Variants in DAB1 observed in about 807,000 individuals in gnomAD.
DAB1 encodes disabled homolog 1.
Under a neutral mutation model 64.6 loss-of-function variants are expected in DAB1, and 15 were observed. The ratio of observed to expected loss-of-function variants is 0.23; its 90% CI spans 0.16 to 0.36. The LOEUF is 0.36. DAB1 is among the 10% of genes least tolerant of loss of function. The pLI, the probability that DAB1 is intolerant of heterozygous loss-of-function variation, is 1.00. For synonymous variants in DAB1, 235 were observed against 251.9 expected (o/e 0.93, Z 0.64); for missense variants, 596 against 706.7 (o/e 0.84, Z 1.78).
chr1:57,437,159 T>C (rs1166925669), intron 7 of DAB1, among the ~76,000 whole-genome samples: 1 of 151,490 alleles, frequency 6.6e-6, no homozygotes, highest in Non-Finnish European at 1.5e-5. Context: ...GGGGAAAGGG[T>C]AAGACTTTCA....
intron 3 of DAB1, among the ~76,000 whole-genome samples, chr1:58,349,028 G>A (rs767007643): frequency 1.7e-4 from 26 of 151,982 alleles, no homozygotes; most frequent in African/African-American, 3.9e-4. Context: ...CCCTGCCTCC[G>A]CCTGCTGTCC....
chr1:58,222,955 G>T (rs767019871), intron 4 of DAB1, among the ~76,000 whole-genome samples: 16 of 152,166 alleles, frequency 1.1e-4, no homozygotes, highest in Non-Finnish European at 1.6e-4. Context: ...TCAGGCATCT[G>T]TTCCTTGCAG....
chr1:57,564,056 C>T (rs1645086691), intron 7 of DAB1, among the ~76,000 whole-genome samples: 1 of 152,168 alleles, frequency 6.6e-6, no homozygotes, highest in Admixed American at 6.6e-5. Flanking sequence ...CAGACTGACA[C>T]CCACATGGCT....
intron 7 of DAB1, among the ~76,000 whole-genome samples, chr1:57,594,740 T>C (rs1645485591): frequency 6.6e-6 from 1 of 152,216 alleles, no homozygotes. Flanking sequence ...AGACAGAGTC[T>C]TGCTCTGTCA....
intron 5 of DAB1, among the ~76,000 whole-genome samples, chr1:58,096,156 T>C (rs1265773962): frequency 1.3e-5 from 2 of 152,230 alleles, no homozygotes; most frequent in Non-Finnish European, 2.9e-5. Context: ...TAAAGAGATT[T>C]TGAAGAGCTT....
At chr1:57,794,594 C>T (rs777888723) in intron 6 of DAB1, among the ~76,000 whole-genome samples, 2 of 152,172 alleles carry the variant, frequency 1.3e-5, no homozygotes, top group Non-Finnish European at 2.9e-5. Context: ...TGCCACATGC[C>T]TCCATTGTAC....
intron 7 of DAB1, among the ~76,000 whole-genome samples, chr1:57,448,480 C>T (rs998801459): frequency 2.0e-5 from 3 of 152,094 alleles, no homozygotes; most frequent in Non-Finnish European, 4.4e-5. Context: ...GAGTTATATT[C>T]AAAATAATTC....
At chr1:58,285,331 G>A (rs1193105826) in intron 4 of DAB1, among the ~76,000 whole-genome samples, 1 of 152,138 alleles carries the variant, frequency 6.6e-6, no homozygotes, top group Admixed American at 6.5e-5. Context: ...AAGAAATAAA[G>A]GGTATTCAAA....
At chr1:57,623,520 G>C (rs1450756466) in intron 7 of DAB1, among the ~76,000 whole-genome samples, 1 of 152,138 alleles carries the variant, frequency 6.6e-6, no homozygotes, top group Non-Finnish European at 1.5e-5. Flanking sequence ...GATGGTTTTG[G>C]AGTACCAGAG....
Position 57,879,510 on chromosome 1 carries a change from A to C in DAB1, n.87+4489T>G, listed in dbSNP as rs80199867. On this transcript the variant is annotated intron_variant and non_coding_transcript_variant, in intron 1 of 1. Coordinates refer to the DAB1 transcript ENST00000477280. ...CAGTGAGTATGCGATTTACTCACTC[A>C]AGGGTCCCCAAACTAAGAAGCCTCA... is the stretch of plus-strand genomic sequence containing the variant. Among the ~76,000 whole-genome samples, 250 of 152,282 alleles carry C rather than the reference A, an allele frequency of 1.6e-3. 1 individual carries two copies. Among genetic ancestry groups the C allele is most frequent in the African/African-American group, 5.3e-3 (222 of 41,564 alleles).
intron 4 of DAB1, among the ~76,000 whole-genome samples, chr1:58,177,848 T>A (rs1474870626): frequency 6.6e-6 from 1 of 152,098 alleles, no homozygotes. Context: ...AAGAATTAAA[T>A]AAAAACAGAG....
rs1557427889 is a variant in DAB1 at position 57,695,388 on chromosome 1, GAAAGAAAGAAAGAAAGAAAGA to G, written n.552-45744_552-45724del. 1.0e-3 allele frequency among the ~76,000 whole-genome samples: 82 copies of G among 78,632 alleles called. 2 individuals carry two copies. Among genetic ancestry groups the G allele is most frequent in the African/African-American group, 3.4e-3 (71 of 21,038 alleles). 51.6% of individuals were successfully genotyped at this position (78,632 alleles called of 152,430 possible). A position where few individuals can be genotyped will look rare whatever the true frequency, so the allele number is the denominator to read the frequency against. On this transcript the variant is annotated intron_variant and non_coding_transcript_variant, in intron 6 of 20. Coordinates refer to the DAB1 transcript ENST00000485760. ...AGAAAGAAAGAAAGAAAGAAAGAAA[GAAAGAAAGAAAGAAAGAAAGA>G]AAGAAAGAAAGAAAGAAAGAAAGAA...
chr1:57,185,295 G>A (rs1045845995), intron 2 of DAB1, among the ~76,000 whole-genome samples: 2 of 152,152 alleles, frequency 1.3e-5, no homozygotes, highest in African/African-American at 4.8e-5. Context: ...GATGCCACCA[G>A]GTAACAGAAA....
chr1:58,045,265 G>A (rs1167357493), intron 5 of DAB1, among the ~76,000 whole-genome samples: 3 of 152,160 alleles, frequency 2.0e-5, no homozygotes, highest in East Asian at 3.9e-4. Context: ...ACCCCACTCC[G>A]ACGGGTCTGC....
intron 6 of DAB1, among the ~76,000 whole-genome samples, chr1:57,721,536 G>C (rs546791887): frequency 1.3e-5 from 2 of 152,314 alleles, no homozygotes; most frequent in Non-Finnish European, 1.5e-5. Flanking sequence ...TTACAAATGA[G>C]GATACTGAGC....
chr1:57,848,475 T>G (rs1001467296), intron 1 of DAB1, among the ~76,000 whole-genome samples: 6 of 152,248 alleles, frequency 3.9e-5, no homozygotes, highest in Admixed American at 3.3e-4. Context: ...TGTAATATAA[T>G]ACTTATCAGT....
intron 5 of DAB1, among the ~76,000 whole-genome samples, chr1:58,144,045 C>G (rs1654456560): frequency 6.6e-6 from 1 of 152,180 alleles, no homozygotes; most frequent in South Asian, 2.1e-4. Context: ...TCACAATGTA[C>G]ACTGGCTTGC....
intron 5 of DAB1, among the ~76,000 whole-genome samples, chr1:58,043,400 AAG>A (rs200970828): frequency 0.034 from 5,184 of 152,302 alleles, 133 homozygotes; most frequent in Middle Eastern, 0.058. Context: ...GTTTAAAAAA[AAG>A]AGTTGGCAGA....
intron 5 of DAB1, chr1:58,071,629 G>A (rs1649271670): frequency 6.6e-6 from 1 of 152,130 alleles, no homozygotes; most frequent in Non-Finnish European, 1.5e-5. Flanking sequence ...TGATGCTCAT[G>A]ATGAGGTAAG....
Sources: allele counts gnomAD v4.1 joint callset (sites outside exome capture counted in the v4.1 genomes callset), GRCh38; gene constraint gnomAD v4.1.1; transcripts MANE v1.5; gene names NCBI Gene and HGNC (gene_info 2026-07-23, HGNC 2026-07-21).